Variants in MGRN1 observed in about 807,000 individuals in gnomAD.
MGRN1 encodes the protein mahogunin ring finger 1, also known as E3 ubiquitin-protein ligase MGRN1.
MGRN1 carries 29 observed loss-of-function variants against 69.2 expected under a neutral mutation model. That is an observed-to-expected ratio of 0.42 (90% CI 0.31 to 0.57). MGRN1 has a LOEUF of 0.57. Among genes scored for constraint, MGRN1 ranks in the 20% least tolerant of loss-of-function variants. The probability of loss-of-function intolerance (pLI) is 0.15; values close to 1 mark genes in which losing one functional copy is unlikely to be tolerated. For synonymous variants in MGRN1, 470 were observed against 344.2 expected (o/e 1.37, Z -4.04); for missense variants, 998 against 796.2 (o/e 1.25, Z -3.05).
intron 9 of MGRN1, among the ~76,000 whole-genome samples, chr16:4,672,013 C>G (rs1034340458): frequency 6.6e-6 from 1 of 152,204 alleles, no homozygotes; most frequent in African/African-American, 2.4e-5. Context: ...TCAAGCGATT[C>G]TCCTGCCTCA....
At chr16:4,631,756 A>G (rs116855216) in intron 1 of MGRN1, among the ~76,000 whole-genome samples, 183 of 152,326 alleles carry the variant, frequency 1.2e-3, no homozygotes, top group Non-Finnish European at 2.2e-3. Flanking sequence ...CCTGTCAATT[A>G]TTTCTACAAA....
At chr16:4,666,532 C>T (rs1358522656) in intron 7 of MGRN1, among the ~76,000 whole-genome samples, 1 of 152,346 alleles carries the variant, frequency 6.6e-6, no homozygotes, top group East Asian at 1.9e-4. Flanking sequence ...ATGCCACGGG[C>T]TGGGGCTCCC....
intron 12 of MGRN1, chr16:4,681,307 C>T: frequency 1.9e-6 from 1 of 538,488 alleles, no homozygotes; most frequent in Admixed American, 3.5e-5. Flanking sequence ...CGGTTCTTGG[C>T]AGATGCCCTC....
intron 5 of MGRN1, among the ~76,000 whole-genome samples, chr16:4,662,640 A>G (rs574555907): frequency 2.6e-5 from 4 of 152,344 alleles, no homozygotes; most frequent in African/African-American, 7.2e-5. Flanking sequence ...CCCATGCGGT[A>G]GCGTGGTATT....
At chr16:4,663,435 G>C (rs370027870) in intron 5 of MGRN1, among the ~76,000 whole-genome samples, 8 of 135,502 alleles carry the variant, frequency 5.9e-5, no homozygotes, top group South Asian at 4.7e-4. Context: ...CAGCTCACTC[G>C]TGTTAAGCGA....
At chr16:4,646,905 G>T (rs778861128) in intron 1 of MGRN1, among the ~76,000 whole-genome samples, 4 of 152,140 alleles carry the variant, frequency 2.6e-5, no homozygotes, top group Non-Finnish European at 5.9e-5. Flanking sequence ...GGAGTGCCCA[G>T]TGCCTCGGCC....
intron 11 of MGRN1, among the ~76,000 whole-genome samples, chr16:4,678,213 C>T (rs2079095776): frequency 6.6e-6 from 1 of 152,200 alleles, no homozygotes; most frequent in South Asian, 2.1e-4. Context: ...CACTGGTGAC[C>T]CTCCTCCCAC....
At chr16:4,688,075 C>T (rs568577561) in intron 16 of MGRN1, 159 of 985,530 alleles carry the variant, frequency 1.6e-4, no homozygotes, top group African/African-American at 1.4e-3. Flanking sequence ...GCTCTCGCCG[C>T]GGCCCCCGAA....
In MGRN1 at chr16:4,632,127, C is replaced by T. The variant is rs148128245; in HGVS notation, c.88+7079C>T. Among the ~76,000 whole-genome samples, 937 of 148,444 alleles carry T rather than the reference C, an allele frequency of 6.3e-3. 13 individuals are homozygous for T. The highest frequency in any genetic ancestry group is 0.036 in the South Asian group (168 of 4,730). On this transcript the variant is annotated intron_variant, in intron 1 of 16. Coordinates refer to ENST00000262370, the MANE Select transcript of MGRN1 (RefSeq NM_015246.4). The stretch of plus-strand genomic sequence containing the variant: ...CCTCGCAGGTTCAAGTGATTCTCTC[C>T]TGCCTCAGCCTCCTGTGTTGCTGGG...
chr16:4,667,682 G>T (rs1293733782), intron 7 of MGRN1, among the ~76,000 whole-genome samples: 3 of 152,226 alleles, frequency 2.0e-5, no homozygotes, highest in African/African-American at 7.2e-5. Flanking sequence ...GTTGTTGCGA[G>T]GTCTCCGATC....
At chr16:4,670,684 G>A (rs2078919297) in intron 8 of MGRN1, among the ~76,000 whole-genome samples, 1 of 152,230 alleles carries the variant, frequency 6.6e-6, no homozygotes, top group Non-Finnish European at 1.5e-5. Context: ...GCGAGATCCT[G>A]TCTATTTAAA....
intron 1 of MGRN1, among the ~76,000 whole-genome samples, chr16:4,642,949 C>G (rs1324273457): frequency 1.4e-5 from 2 of 145,676 alleles, no homozygotes; most frequent in African/African-American, 2.7e-5. Context: ...ACCGTGCTAG[C>G]TAATTTTTTT....
At position 4,682,910 on chromosome 16, in the gene MGRN1, C is replaced by T. The variant is rs368148078; in HGVS notation, c.1446C>T (p.Gly482=). The T allele has an allele frequency of 8.0e-5, 129 of 1,606,428 alleles. No homozygotes were observed. The highest frequency in any genetic ancestry group is 1.0e-4 in the Non-Finnish European group (117 of 1,175,088). ...TGGACGCCCCTCCCCCACTGGGTGG[C>T]GCAGAGCTGGCCCTGCGGGAAAGCA... ...EDVDAPPPLG[G]AELALRESSS... The change falls in exon 14 of 17, where the codon GGC becomes GGT. Residue 482 remains glycine (G), a synonymous_variant. Transcript: ENST00000262370.
At chr16:4,643,456 G>C (rs59617372) in intron 1 of MGRN1, among the ~76,000 whole-genome samples, 1 of 131,880 alleles carries the variant, frequency 7.6e-6, no homozygotes, top group African/African-American at 2.8e-5. Context: ...TGCAACCTCC[G>C]CTTCCTGGGT....
At chr16:4,653,351 C>A (rs2078450449) in intron 4 of MGRN1, among the ~76,000 whole-genome samples, 1 of 152,198 alleles carries the variant, frequency 6.6e-6, no homozygotes, top group African/African-American at 2.4e-5. Flanking sequence ...AGAAGCTCTC[C>A]TGAAAACCCC....
chr16:4,689,283 AAG>A lies in MGRN1; in HGVS notation c.*379_*380del, dbSNP rs2079405775. On this transcript the variant is annotated 3_prime_UTR_variant, in exon 17 of 17. Coordinates refer to ENST00000262370, the MANE Select transcript of MGRN1 (RefSeq NM_015246.4). Reference sequence around the variant, plus strand: ...CCCGGAGAACTCAGGAGGCCTGCAGAAGAGAACTGATTGGTGGTCGAAGCACC... The same window carrying A: ...CCCGGAGAACTCAGGAGGCCTGCAGAAGAACTGATTGGTGGTCGAAGCACC... The A allele has an allele frequency of 2.0e-5, 4 of 200,412 alleles. No individual in the cohort carries two copies. The South Asian group carries it at 6.9e-4, about 35-fold the overall frequency. 12.4% of individuals were successfully genotyped at this position (200,412 alleles called of 1,614,324 possible). A position where few individuals can be genotyped will look rare whatever the true frequency, so the allele number is the denominator to read the frequency against.
chr16:4,688,794 AGGACGGCCCACCTCCATGG>A lies in MGRN1; in HGVS notation c.1619-1_1636del. On this transcript the variant is annotated splice_acceptor_variant and coding_sequence_variant, in exon 17 of 17. Transcript: ENST00000262370. LOFTEE classifies it high-confidence loss of function. The stretch of plus-strand genomic sequence containing the variant: ...CCCTCCTCCCTCTGCTCCCACCTGC[AGGACGGCCCACCTCCATGG>A]AGACGGCCCACGGCCTCGCCACCAC... 1 of 1,543,864 alleles carries A rather than the reference AGGACGGCCCACCTCCATGG, an allele frequency of 6.5e-7. No individual in the cohort carries two copies. Among genetic ancestry groups the A allele is most frequent in the Non-Finnish European group, 8.8e-7 (1 of 1,141,478 alleles).
chr16:4,655,073 C>T (rs542017783), intron 4 of MGRN1, among the ~76,000 whole-genome samples: 2 of 152,306 alleles, frequency 1.3e-5, no homozygotes, highest in South Asian at 2.1e-4. Flanking sequence ...CCCCTCCTTG[C>T]ACCCCACTGC....
At chr16:4,683,699 C>T (rs1029945737) in intron 15 of MGRN1, 144 bp from the exon 16 acceptor site, 25 of 641,774 alleles carry the variant, frequency 3.9e-5, no homozygotes, top group Middle Eastern at 3.0e-4. Flanking sequence ...GGTGGGGTCA[C>T]GGTGGAGTCC....
Sources: gnomAD v4.1 joint callset for allele counts (sites outside exome capture counted in the v4.1 genomes callset) on GRCh38, gnomAD v4.1.1 for gene constraint, MANE v1.5 for transcripts, NCBI Gene and HGNC (gene_info 2026-07-23, HGNC 2026-07-21) for gene names.